Variants in EPC2 observed in about 807,000 individuals in gnomAD.
EPC2 encodes enhancer of polycomb homolog 2.
Under a neutral mutation model 92.1 loss-of-function variants are expected in EPC2, and 14 were observed. The observed-to-expected ratio is 0.15, with a 90% confidence interval of 0.10 to 0.24. EPC2 has a LOEUF of 0.24. Among genes scored for constraint, EPC2 ranks in the 10% least tolerant of loss-of-function variants. The pLI, the probability that EPC2 is intolerant of heterozygous loss-of-function variation, is 1.00. For synonymous variants in EPC2, 340 were observed against 334.7 expected (o/e 1.02, Z -0.17); for missense variants, 755 against 971.5 (o/e 0.78, Z 2.96).
chr2:148,663,017 G>A (rs1321741830), intron 1 of EPC2, among the ~76,000 whole-genome samples: 1 of 151,372 alleles, frequency 6.6e-6, no homozygotes, highest in African/African-American at 2.4e-5. Flanking sequence ...AATATGATTG[G>A]CCTAGTTCAG....
chr2:148,784,775 A>G lies in EPC2; in HGVS notation c.2125A>G (p.Ile709Val). 6.2e-7 allele frequency: 1 copy of G among 1,614,000 alleles called. No homozygotes were observed. The highest frequency in any genetic ancestry group is 8.5e-7 in the Non-Finnish European group (1 of 1,179,872). Residue 709 changes from isoleucine to valine, a missense_variant, in exon 13 of 14, where the codon ATC becomes GTC. Around this residue, in one of 4 missense-constraint regions of EPC2, gnomAD observed 207 missense variants for 260.5 expected, o/e 0.79. Transcript: ENST00000258484. Reference protein sequence around the residue: ...TVGHTTTNHLIPALCTSSPQT... With the variant: ...TVGHTTTNHLVPALCTSSPQT... ...TGGCCACACCACTACAAACCACTTA[A>G]TCCCAGCATTGTGCACAAGCAGTCC...
intron 2 of EPC2, among the ~76,000 whole-genome samples, chr2:148,710,567 CT>C (rs1438419201): frequency 6.6e-6 from 1 of 152,182 alleles, no homozygotes; most frequent in Non-Finnish European, 1.5e-5. Flanking sequence ...TATTGTGGCA[CT>C]TTTCACAGTA....
At chr2:148,764,316 G>C (rs1393834075) in intron 6 of EPC2, among the ~76,000 whole-genome samples, 1 of 152,158 alleles carries the variant, frequency 6.6e-6, no homozygotes, top group Non-Finnish European at 1.5e-5. Flanking sequence ...TGTTAAAACA[G>C]TAACAGAGCT....
intron 4 of EPC2, among the ~76,000 whole-genome samples, chr2:148,756,849 C>A (rs1683199990): frequency 6.6e-6 from 1 of 152,192 alleles, no homozygotes; most frequent in Admixed American, 6.5e-5. Flanking sequence ...CATCCTTGGT[C>A]ATGAAAAGAT....
chr2:148,740,060 AC>A (rs1250186036), intron 2 of EPC2, among the ~76,000 whole-genome samples: 1 of 151,488 alleles, frequency 6.6e-6, no homozygotes, highest in Non-Finnish European at 1.5e-5. Flanking sequence ...TATGAAACTA[AC>A]CCACTATTTG....
At chr2:148,747,551 T>C (rs1319319048) in intron 3 of EPC2, among the ~76,000 whole-genome samples, 1 of 152,070 alleles carries the variant, frequency 6.6e-6, no homozygotes, top group Non-Finnish European at 1.5e-5. Context: ...TTCAGAAGTT[T>C]GGCTATACTT....
chr2:148,771,420 C>T, intron 10 of EPC2, 33 bp downstream of exon 10: 4 of 1,483,302 alleles, frequency 2.7e-6, no homozygotes, highest in Non-Finnish European at 3.6e-6. Flanking sequence ...GTATATCCTG[C>T]TATTCTTTTT....
chr2:148,670,807 A>G (rs564872521), intron 1 of EPC2, among the ~76,000 whole-genome samples: 53 of 152,074 alleles, frequency 3.5e-4, no homozygotes, highest in African/African-American at 1.1e-3. Context: ...GGCTCAAGCA[A>G]TCCTTCCACC....
chr2:148,732,906 C>G (rs1384853740), intron 2 of EPC2, among the ~76,000 whole-genome samples: 4 of 137,470 alleles, frequency 2.9e-5, no homozygotes, highest in Non-Finnish European at 4.6e-5. Context: ...TAATGTAAAT[C>G]AAATTATAAT....
chr2:148,747,403 C>T (rs571334586), intron 3 of EPC2, among the ~76,000 whole-genome samples: 5 of 152,140 alleles, frequency 3.3e-5, no homozygotes, highest in Middle Eastern at 3.4e-3. Context: ...CTTATCTCCT[C>T]TCTCATTTCT....
intron 4 of EPC2, among the ~76,000 whole-genome samples, chr2:148,757,411 T>A (rs1034603752): frequency 3.9e-5 from 6 of 152,076 alleles, no homozygotes; most frequent in Non-Finnish European, 8.8e-5. Flanking sequence ...TAGTTAGAAA[T>A]AGATATAGAT....
At chr2:148,780,180 A>G (rs1188871046) in intron 10 of EPC2, among the ~76,000 whole-genome samples, 1 of 152,218 alleles carries the variant, frequency 6.6e-6, no homozygotes, top group Non-Finnish European at 1.5e-5. Flanking sequence ...TACAGGTAAT[A>G]TAAAATTTTG....
intron 2 of EPC2, among the ~76,000 whole-genome samples, chr2:148,737,218 T>A (rs1558824837): frequency 6.6e-6 from 1 of 152,224 alleles, no homozygotes; most frequent in Non-Finnish European, 1.5e-5. Context: ...TAAAGGCACT[T>A]TCAGTAGAAC....
rs528299264 is a variant in EPC2 at position 148,648,006 on chromosome 2, C to T, written c.153+2836C>T. ...AGAGCATGAGTGCTAAACTTGGATA[C>T]TTTTCAGTAGCCTACTTCAATTGCC... On this transcript the variant is annotated intron_variant, in intron 1 of 13. Coordinates refer to ENST00000258484, the MANE Select transcript of EPC2 (RefSeq NM_015630.4). 2.0e-5 allele frequency among the ~76,000 whole-genome samples: 3 copies of T among 152,324 alleles called. No individual in the cohort carries two copies. In the South Asian group the frequency reaches 6.2e-4, roughly 32 times the overall value.
At chr2:148,724,847 T>C (rs990538356) in intron 2 of EPC2, among the ~76,000 whole-genome samples, 1 of 152,126 alleles carries the variant, frequency 6.6e-6, no homozygotes, top group Non-Finnish European at 1.5e-5. Flanking sequence ...GAACCATTTC[T>C]GAAGGAGCTA....
intron 1 of EPC2, among the ~76,000 whole-genome samples, chr2:148,686,204 A>G (rs1304946291): frequency 6.6e-6 from 1 of 152,230 alleles, no homozygotes; most frequent in Non-Finnish European, 1.5e-5. Flanking sequence ...CAGTTCAGCA[A>G]TGTTCACAAC....
At chr2:148,645,195 C>T (rs1162906903) in intron 1 of EPC2, 25 bp downstream of exon 1, 1 of 1,558,398 alleles carries the variant, frequency 6.4e-7, no homozygotes, top group African/African-American at 1.4e-5. Flanking sequence ...GTTTATTACC[C>T]CCCCTTCCCT....
At chr2:148,774,814 G>A (rs960193442) in intron 10 of EPC2, among the ~76,000 whole-genome samples, 18 of 151,526 alleles carry the variant, frequency 1.2e-4, no homozygotes, top group East Asian at 1.2e-3. Context: ...AGGGCCAGGC[G>A]CGGTGGCTCA....
At chr2:148,711,406 G>T (rs1042014240) in intron 2 of EPC2, among the ~76,000 whole-genome samples, 1 of 151,796 alleles carries the variant, frequency 6.6e-6, no homozygotes, top group Non-Finnish European at 1.5e-5. Flanking sequence ...CTATATTTTT[G>T]TTATTCATTT....
Sources: gnomAD v4.1 joint callset for allele counts (sites outside exome capture counted in the v4.1 genomes callset) on GRCh38, gnomAD v4.1.1 for gene constraint, gnomAD v4.1.1 regional missense constraint, MANE v1.5 for transcripts, NCBI Gene and HGNC (gene_info 2026-07-23, HGNC 2026-07-21) for gene names.